Variants in ABI1 observed in about 807,000 individuals in gnomAD.
ABI1 encodes abl interactor 1.
A neutral mutation model predicts 54.6 loss-of-function variants in ABI1; 14 were observed. The observed-to-expected ratio is 0.26, with a 90% CI of 0.17 to 0.40. The LOEUF (loss-of-function observed/expected upper bound fraction) is 0.40, where lower values mean the gene tolerates loss of function less well. Ranked by LOEUF, ABI1 falls within the 10% of genes least tolerant of loss-of-function variation. The probability of loss-of-function intolerance (pLI) is 1.00; values close to 1 mark genes in which losing one functional copy is unlikely to be tolerated. For synonymous variants in ABI1, 194 were observed against 209.3 expected, an observed-to-expected ratio of 0.93 and a Z score of 0.63; for missense variants, 443 against 598.3, an observed-to-expected ratio of 0.74 and a Z score of 2.71.
intron 9 of ABI1, among the ~76,000 whole-genome samples, chr10:26,753,335 G>A (rs1837870020): frequency 6.6e-6 from 1 of 152,074 alleles, no homozygotes; most frequent in South Asian, 2.1e-4. Context: ...AGGAAAATGG[G>A]TACAGACCCC....
intron 1 of ABI1, among the ~76,000 whole-genome samples, chr10:26,824,740 G>A (rs2133821322): frequency 6.6e-6 from 1 of 152,072 alleles, no homozygotes; most frequent in African/African-American, 2.4e-5. Flanking sequence ...AGGAGGAGAG[G>A]TAATAAATAG....
intron 1 of ABI1, among the ~76,000 whole-genome samples, chr10:26,828,787 C>T (rs1249991658): frequency 2.0e-5 from 3 of 152,166 alleles, no homozygotes; most frequent in African/African-American, 7.2e-5. Context: ...GAAATTATTA[C>T]CGATACTGTT....
rs370683711 is a variant in ABI1, at chr10:26,849,169, T to C, written c.117+11578A>G. Among the ~76,000 whole-genome samples, 28 of 152,294 alleles carry C rather than the reference T, an allele frequency of 1.8e-4. No individual in the cohort carries two copies. In the East Asian group the frequency reaches 5.4e-3, roughly 29 times the overall value. On this transcript the variant is annotated intron_variant, in intron 1 of 10. Transcript: ENST00000376140. ...ATTTTTATAATACTACTAATGTTAT[T>C]TGCTTTCTTTCCTGAGTTGACATTT...
At chr10:26,839,585 T>C (rs964257040) in intron 1 of ABI1, 1 of 551,890 alleles carries the variant, frequency 1.8e-6, no homozygotes, top group Non-Finnish European at 3.2e-6. Context: ...CTAGGTAGGG[T>C]GGTAGTTAAC....
At chr10:26,768,655 A>G (rs1588807775) in intron 6 of ABI1, among the ~76,000 whole-genome samples, 197 bp downstream of exon 6, 1 of 152,362 alleles carries the variant, frequency 6.6e-6, no homozygotes, top group African/African-American at 2.4e-5. Context: ...GATGTTTTAA[A>G]AAGTTAAAAA....
intron 2 of ABI1, among the ~76,000 whole-genome samples, chr10:26,796,592 A>G (rs1448350582): frequency 1.3e-5 from 2 of 152,200 alleles, no homozygotes; most frequent in Admixed American, 1.3e-4. Flanking sequence ...ATTTCTCAGA[A>G]CATTTCCTTG....
chr10:26,798,306 A>T (rs1440041398), intron 2 of ABI1, among the ~76,000 whole-genome samples: 1 of 151,208 alleles, frequency 6.6e-6, no homozygotes, highest in Admixed American at 6.6e-5. Context: ...GCTATCCAGT[A>T]TTGGGGGGGG....
rs1451913706 is a variant in ABI1 at position 26,761,655 on chromosome 10, TATATATAC to T, written c.821-2425_821-2418del. Among the ~76,000 whole-genome samples the T allele has an allele frequency of 2.1e-3, 230 of 112,126 alleles. 7 individuals carry two copies. The South Asian group carries it at 0.035, about 17-fold the overall frequency. The allele number at this position is 112,126 out of a possible 152,430, so 73.6% of individuals were successfully genotyped here. A position where few individuals can be genotyped will look rare whatever the true frequency, so the allele number is the denominator to read the frequency against. On this transcript the variant is annotated intron_variant, in intron 7 of 10. Transcript: ENST00000376140. ...ATATATATATATATATATATATATA[TATATATAC>T]ACACACACATACACATATATAACCT...
intron 6 of ABI1, among the ~76,000 whole-genome samples, 188 bp from the exon 7 acceptor site, chr10:26,765,506 C>T (rs950641203): frequency 6.6e-6 from 1 of 152,092 alleles, no homozygotes; most frequent in Non-Finnish European, 1.5e-5. Flanking sequence ...TGCAGTTGGC[C>T]CTACAGAACC....
chr10:26,850,904 T>C (rs1428998732), intron 1 of ABI1, among the ~76,000 whole-genome samples: 1 of 152,020 alleles, frequency 6.6e-6, no homozygotes, highest in Admixed American at 6.6e-5. Context: ...AGGTGAGATG[T>C]GTAGAAAAGA....
Position 26,751,588 on chromosome 10 carries a change from T to C in ABI1, c.1270+10A>G. 3 of 1,607,514 alleles carry C rather than the reference T, an allele frequency of 1.9e-6. No individual in the cohort carries two copies. The highest frequency in any genetic ancestry group is 1.3e-5 in the African/African-American group (1 of 74,676). On this transcript the variant is annotated intron_variant, in intron 10 of 10. Coordinates refer to ENST00000376140, the MANE Select transcript of ABI1 (RefSeq NM_001012750.3). ...TTTTCCTTCACATCAACTCAATGAC[T>C]GTACCTTACCTTTCTCAATATAATT... is the stretch of plus-strand genomic sequence containing the variant.
intron 2 of ABI1, among the ~76,000 whole-genome samples, chr10:26,821,287 A>G (rs2047966861): frequency 6.6e-6 from 1 of 150,624 alleles, no homozygotes; most frequent in Non-Finnish European, 1.5e-5. Context: ...ATCAATCCCA[A>G]GGTAAGGAAA....
intron 1 of ABI1, among the ~76,000 whole-genome samples, chr10:26,838,686 G>T (rs1361252403): frequency 1.3e-5 from 2 of 151,998 alleles, no homozygotes; most frequent in Admixed American, 1.3e-4. Flanking sequence ...GAAATCAGAG[G>T]CCACAAAAAA....
intron 2 of ABI1, among the ~76,000 whole-genome samples, chr10:26,808,027 G>C (rs1463939037): frequency 6.6e-6 from 1 of 152,208 alleles, no homozygotes; most frequent in Non-Finnish European, 1.5e-5. Context: ...AGGAGGCAGA[G>C]GTTGCAGTGA....
chr10:26,801,546 C>CAA (rs879767122), intron 2 of ABI1, among the ~76,000 whole-genome samples: 10 of 135,402 alleles, frequency 7.4e-5, no homozygotes, highest in African/African-American at 2.7e-4. Context: ...GAACTTGTCT[C>CAA]AAAAAAAAAA....
In ABI1 at chr10:26,747,835, A is replaced by AT. The variant is rs201405368; in HGVS notation, c.*734dup. The AT allele has an allele frequency of 1.0e-5, 2 of 192,658 alleles. No individual in the cohort carries two copies. Among genetic ancestry groups the AT allele is most frequent in the Non-Finnish European group, 2.2e-5 (2 of 92,396 alleles). The allele number at this position is 192,658 out of a possible 1,614,324, so 11.9% of individuals were successfully genotyped here. Reference sequence around the variant, plus strand: ...ATTCTGCAATAAATCATTATCTTTTATTTTTTTTAAAGCAAATCAGTGAAG... The same window carrying AT: ...ATTCTGCAATAAATCATTATCTTTTATTTTTTTTTAAAGCAAATCAGTGAAG... On this transcript the variant is annotated 3_prime_UTR_variant, in exon 11 of 11. Coordinates refer to ENST00000376140, the MANE Select transcript of ABI1 (RefSeq NM_001012750.3).
intron 2 of ABI1, among the ~76,000 whole-genome samples, chr10:26,778,668 G>A (rs1841736430): frequency 6.6e-6 from 1 of 152,106 alleles, no homozygotes; most frequent in East Asian, 1.9e-4. Context: ...ACCTCTCCAT[G>A]AGTATCTATC....
intron 2 of ABI1, among the ~76,000 whole-genome samples, chr10:26,822,838 C>A (rs1313639220): frequency 6.6e-6 from 1 of 152,076 alleles, no homozygotes; most frequent in Admixed American, 6.6e-5. Context: ...GTACAAATAA[C>A]TTTACGTCAG....
chr10:26,802,470 T>TGA (rs1181193357), intron 2 of ABI1, among the ~76,000 whole-genome samples: 2 of 152,132 alleles, frequency 1.3e-5, no homozygotes, highest in Admixed American at 1.3e-4. Context: ...GGCAATTGTT[T>TGA]GAGAGAGAGA....
Sources: allele counts gnomAD v4.1 joint callset (sites outside exome capture counted in the v4.1 genomes callset), GRCh38; gene constraint gnomAD v4.1.1; transcripts MANE v1.5; gene names NCBI Gene and HGNC (gene_info 2026-07-23, HGNC 2026-07-21).